FABP6: variants seen among roughly 807,000 people sequenced by gnomAD.
The protein encoded by FABP6 is gastrotropin.
In FABP6, 13 loss-of-function variants were observed where a neutral mutation model predicts 14.9. That is an observed-to-expected ratio of 0.87 (90% CI 0.57 to 1.39). The LOEUF (loss-of-function observed/expected upper bound fraction) is 1.39, where lower values mean the gene tolerates loss of function less well. Ranked by LOEUF, FABP6 falls within the 40% of genes most tolerant of loss-of-function variation. The pLI, the probability that FABP6 is intolerant of heterozygous loss-of-function variation, is 0.00. For missense variants in FABP6, 161 were observed against 167.2 expected (o/e 0.96, Z 0.20); for synonymous variants, 75 against 63.6 (o/e 1.18, Z -0.85).
chr5:160,206,353 G>A (rs374868809), intron 2 of FABP6, among the ~76,000 whole-genome samples: 187 of 152,232 alleles, frequency 1.2e-3, no homozygotes, highest in African/African-American at 4.1e-3. Flanking sequence ...GCTTGAACCC[G>A]GGAGGCAGAG....
At chr5:160,224,630 A>G (rs1388308985), upstream of FABP6, among the ~76,000 whole-genome samples, 1 of 152,092 alleles carries the variant, frequency 6.6e-6, no homozygotes, top group African/African-American at 2.4e-5. Flanking sequence ...TTTGGAGGAA[A>G]TTAAAATGCC....
Position 160,234,876 on chromosome 5 carries a change from G to T in FABP6, c.300G>T (p.Gln100His). 6.2e-7 allele frequency: 1 copy of T among 1,611,398 alleles called. No homozygotes were observed. ...KLVVNFPNYH[Q>H]TSEIVGDKLV... is the part of the protein sequence containing the mutation. ...TGGTGAATTTCCCCAACTATCACCA[G>T]ACCTCAGAGATCGTGGGTGACAAGC... Residue 100 changes from glutamine to histidine, a missense_variant, in exon 3 of 4, where the codon CAG becomes CAT. Coordinates refer to ENST00000402432, the MANE Select transcript of FABP6 (RefSeq NM_001445.3).
rs1760472846 is a variant in FABP6, at chr5:160,234,888, C to T, written c.312C>T (p.Ile104=). ...CCAACTATCACCAGACCTCAGAGAT[C>T]GTGGGTGACAAGCTGGTGGAGGTGA... ...NFPNYHQTSE[I]VGDKLVEVST... The change falls in exon 3 of 4, where the codon ATC becomes ATT. Residue 104 remains isoleucine, a synonymous_variant. Transcript: ENST00000402432. 10 of 1,611,290 alleles carry T rather than the reference C, an allele frequency of 6.2e-6. No individual in the cohort carries two copies. The highest frequency in any genetic ancestry group is 6.8e-6 in the Non-Finnish European group (8 of 1,178,518).
chr5:160,237,565 G>A (rs918111806), intron 3 of FABP6, among the ~76,000 whole-genome samples: 2 of 151,870 alleles, frequency 1.3e-5, no homozygotes, highest in African/African-American at 4.8e-5. Context: ...CAGCACCCCT[G>A]CCATGTTCTC....
chr5:160,201,748 CTCAT>C (rs34016795), intron 2 of FABP6, among the ~76,000 whole-genome samples: 6,967 of 151,596 alleles, frequency 0.046, 339 homozygotes, highest in East Asian at 0.19. Flanking sequence ...TTTCTTTGAA[CTCAT>C]TCATTCATTC....
At chr5:160,206,466 T>C (rs1483316332) in intron 2 of FABP6, among the ~76,000 whole-genome samples, 1 of 151,974 alleles carries the variant, frequency 6.6e-6, no homozygotes, top group Non-Finnish European at 1.5e-5. Context: ...CATAATATTC[T>C]ACATGTATCC....
upstream of FABP6, among the ~76,000 whole-genome samples, chr5:160,227,646 C>T (rs1185610374): frequency 5.9e-5 from 9 of 151,302 alleles, no homozygotes; most frequent in Admixed American, 2.0e-4. Flanking sequence ...AGATCACACA[C>T]GGCACTCCAG....
intron 1 of FABP6, among the ~76,000 whole-genome samples, chr5:160,194,349 C>T (rs1759467228): frequency 1.3e-5 from 2 of 152,190 alleles, no homozygotes; most frequent in Non-Finnish European, 2.9e-5. Context: ...CAGAAAGGGA[C>T]TCCCACAGTG....
chr5:160,189,565 AT>A (rs992070535), intron 1 of FABP6, among the ~76,000 whole-genome samples: 4 of 151,616 alleles, frequency 2.6e-5, no homozygotes, highest in South Asian at 2.1e-4. Flanking sequence ...TCTTCTTTTT[AT>A]TTTTTTCAGC....
chr5:160,230,105 AC>A (rs1760345549), intron 1 of FABP6, among the ~76,000 whole-genome samples: 1 of 150,484 alleles, frequency 6.6e-6, no homozygotes, highest in Admixed American at 6.6e-5. Flanking sequence ...CTGGTCTTGA[AC>A]TCCTGACCTC....
intron 2 of FABP6, among the ~76,000 whole-genome samples, chr5:160,205,919 A>C (rs1367646804): frequency 6.6e-6 from 1 of 152,186 alleles, no homozygotes; most frequent in Non-Finnish European, 1.5e-5. Flanking sequence ...TCTAGTCATG[A>C]GAGATATTAA....
At chr5:160,211,507 G>A (rs1759890246) in intron 2 of FABP6, among the ~76,000 whole-genome samples, 1 of 152,154 alleles carries the variant, frequency 6.6e-6, no homozygotes, top group Admixed American at 6.5e-5. Flanking sequence ...GGACACCCCA[G>A]TACAGAGGTT....
chr5:160,228,555 A>G (rs1412845728), upstream of FABP6: 1 of 456,244 alleles, frequency 2.2e-6, no homozygotes, highest in Non-Finnish European at 4.4e-6. Flanking sequence ...TGAGAGACAC[A>G]GCAGGAAATG....
intron 2 of FABP6, among the ~76,000 whole-genome samples, chr5:160,200,518 T>A (rs1019243947): frequency 6.6e-6 from 1 of 151,884 alleles, no homozygotes; most frequent in African/African-American, 2.4e-5. Context: ...GTTCAAGAGA[T>A]TCTCCTTCCT....
intron 2 of FABP6, among the ~76,000 whole-genome samples, chr5:160,203,892 G>A (rs1412871940): frequency 6.6e-6 from 1 of 151,716 alleles, no homozygotes; most frequent in African/African-American, 2.4e-5. Context: ...GTAGAGTTGG[G>A]GTTTCACCAT....
At chr5:160,218,760 C>CTTT (rs78224307) in intron 3 of FABP6, among the ~76,000 whole-genome samples, 2 of 139,968 alleles carry the variant, frequency 1.4e-5, no homozygotes, top group African/African-American at 5.2e-5. Context: ...TGCGCCTGGC[C>CTTT]TTTTTTTTTT....
chr5:160,195,471 T>C (rs1404336606), intron 1 of FABP6, among the ~76,000 whole-genome samples: 1 of 152,026 alleles, frequency 6.6e-6, no homozygotes, highest in East Asian at 1.9e-4. Flanking sequence ...CTCTCTCTTT[T>C]TGAGACAGGG....
rs757210977 is a variant in FABP6, at chr5:160,229,623, T to C, written c.66T>C (p.Leu22=). ...EKNYDEFMKL[L]GISSDVIEKA... ...ATTATGATGAGTTCATGAAGCTCCT[T>C]GGTGAGTGAGCTCCTGGGTATCCCT... The change falls in exon 1 of 4, where the codon CTT becomes CTC. Residue 22 remains leucine (L), a splice_region_variant and synonymous_variant. Transcript: ENST00000402432. The C allele has an allele frequency of 9.3e-6, 15 of 1,613,620 alleles. No homozygotes were observed. The highest frequency in any genetic ancestry group is 1.3e-5 in the African/African-American group (1 of 74,884).
intron 2 of FABP6, among the ~76,000 whole-genome samples, chr5:160,202,834 G>T (rs973331323): frequency 6.6e-6 from 1 of 151,546 alleles, no homozygotes; most frequent in African/African-American, 2.4e-5. Flanking sequence ...GCTTTTCTTA[G>T]CGATTCATGA....
Sources: gnomAD v4.1 joint callset for allele counts (sites outside exome capture counted in the v4.1 genomes callset) on GRCh38, gnomAD v4.1.1 for gene constraint, MANE v1.5 for transcripts, NCBI Gene and HGNC (gene_info 2026-07-23, HGNC 2026-07-21) for gene names.